ABHD6: variants seen among roughly 807,000 people sequenced by gnomAD.
The protein encoded by ABHD6 is monoacylglycerol lipase ABHD6.
A neutral mutation model predicts 38.8 loss-of-function variants in ABHD6; 33 were observed. The ratio of observed to expected loss-of-function variants is 0.85; its 90% confidence interval spans 0.64 to 1.14. The LOEUF is 1.14. Among genes scored for constraint, ABHD6 ranks in the 50% most tolerant of loss-of-function variants. The pLI is 0.00. For synonymous variants in ABHD6, 147 were observed against 161.6 expected (o/e 0.91, Z 0.69); for missense variants, 380 against 422.6 (o/e 0.90, Z 0.88).
At chr3:58,274,542 C>T (rs1391109307) in intron 6 of ABHD6, 116 bp from the exon 7 acceptor site, 1 of 1,107,440 alleles carries the variant, frequency 9.0e-7, no homozygotes, top group Non-Finnish European at 1.3e-6. Context: ...GAAATCTACT[C>T]ATGAAATAAA....
chr3:58,247,980 C>A (rs980463008), intron 1 of ABHD6, among the ~76,000 whole-genome samples: 1 of 152,230 alleles, frequency 6.6e-6, no homozygotes, highest in African/African-American at 2.4e-5. Context: ...CTGCAGTTTC[C>A]CTTCCCAGTG....
At chr3:58,290,141 G>C (rs1428175569) in intron 9 of ABHD6, among the ~76,000 whole-genome samples, 1 of 103,986 alleles carries the variant, frequency 9.6e-6, no homozygotes, top group African/African-American at 4.3e-5. Flanking sequence ...CTCACCTCCC[G>C]GACGGGGCGG....
At chr3:58,270,337 C>T (rs181446458) in intron 5 of ABHD6, among the ~76,000 whole-genome samples, 1 of 152,256 alleles carries the variant, frequency 6.6e-6, no homozygotes, top group East Asian at 1.9e-4. Flanking sequence ...AACAGCCACA[C>T]TCACTCATTT....
intron 1 of ABHD6, among the ~76,000 whole-genome samples, chr3:58,240,522 G>A (rs903549051): frequency 4.6e-5 from 7 of 151,904 alleles, no homozygotes; most frequent in African/African-American, 1.7e-4. Flanking sequence ...AGTTCTGCAA[G>A]TTGAAAAAAA....
At chr3:58,264,456 G>A (rs574572412) in intron 3 of ABHD6, among the ~76,000 whole-genome samples, 40 of 148,084 alleles carry the variant, frequency 2.7e-4, no homozygotes, top group African/African-American at 9.9e-4. Flanking sequence ...TATGCCAGGT[G>A]CAGTGGCTCA....
At chr3:58,286,844 G>GTATATATATATATATA (rs1553721712) in intron 9 of ABHD6, among the ~76,000 whole-genome samples, 3 of 50,050 alleles carry the variant, frequency 6.0e-5, no homozygotes, top group African/African-American at 3.2e-4. Flanking sequence ...GTGTGTGTGT[G>GTATATATATATATATA]TGTGTGTGTA....
chr3:58,267,356 C>T lies in ABHD6; in HGVS notation c.276+11C>T, dbSNP rs755855024. 47 of 1,613,852 alleles carry T rather than the reference C, an allele frequency of 2.9e-5. No individual in the cohort carries two copies. The highest frequency in any genetic ancestry group is 3.7e-5 in the Non-Finnish European group (44 of 1,179,900). ...CTCAGTGTGGTCAAGGTGCAATTCTCGATTCTTCTCTCTTATAAGAAAAGG... is the reference window on the plus strand; with the variant it reads ...CTCAGTGTGGTCAAGGTGCAATTCTTGATTCTTCTCTCTTATAAGAAAAGG... On this transcript the variant is annotated intron_variant, in intron 4 of 9. Transcript: ENST00000478253. The surrounding 1 kb of genome is among the most constrained non-coding windows in gnomAD (Gnocchi z 4.3).
In ABHD6 at chr3:58,256,507, C is replaced by T; in HGVS notation, c.-25-55C>T. ...TTTTCTTGTCCCCTTTACTTCTTCGCCTTTTTTCCTTTGATACAGAGTTTT... is the reference window on the plus strand; with the variant it reads ...TTTTCTTGTCCCCTTTACTTCTTCGTCTTTTTTCCTTTGATACAGAGTTTT... On this transcript the variant is annotated intron_variant, in intron 2 of 9. Coordinates refer to ENST00000478253, the MANE Select transcript of ABHD6 (RefSeq NM_001320126.2). The surrounding 1 kb of genome is among the most constrained non-coding windows in gnomAD (Gnocchi z 4.3). 1 of 1,072,710 alleles carries T rather than the reference C, an allele frequency of 9.3e-7. No homozygotes were observed. Among genetic ancestry groups the T allele is most frequent in the Non-Finnish European group, 1.4e-6 (1 of 722,074 alleles). 66.4% of individuals were successfully genotyped at this position (1,072,710 alleles called of 1,614,324 possible).
At chr3:58,270,851 C>G in intron 5 of ABHD6, 81 bp from the exon 6 acceptor site, 1 of 1,452,332 alleles carries the variant, frequency 6.9e-7, no homozygotes, top group Non-Finnish European at 9.2e-7. Context: ...CATAGGAAGT[C>G]CAGGGGGCTT....
At chr3:58,274,916 CT>C in intron 7 of ABHD6, 101 bp downstream of exon 7, 1 of 1,365,786 alleles carries the variant, frequency 7.3e-7, no homozygotes, top group Non-Finnish European at 1.0e-6. Flanking sequence ...TCATTGACTA[CT>C]TCTTGTCCTC....
chr3:58,288,526 C>G (rs1158192663), intron 9 of ABHD6, among the ~76,000 whole-genome samples: 2 of 152,160 alleles, frequency 1.3e-5, no homozygotes, highest in Non-Finnish European at 2.9e-5. Flanking sequence ...AGCACCGTGC[C>G]TGGTATGCAG....
chr3:58,289,458 G>A (rs34465704), intron 9 of ABHD6, among the ~76,000 whole-genome samples: 114,461 of 146,736 alleles, frequency 0.78, 45,413 homozygotes, highest in East Asian at 1. Flanking sequence ...GCTGCCTTCA[G>A]GCATCTGTTT....
intron 3 of ABHD6, among the ~76,000 whole-genome samples, chr3:58,264,851 C>T (rs1040453516): frequency 2.0e-5 from 3 of 152,098 alleles, no homozygotes; most frequent in Non-Finnish European, 4.4e-5. Context: ...ATAAGCACAT[C>T]ATGGAGAATG....
chr3:58,283,985 T>C, intron 7 of ABHD6, among the ~76,000 whole-genome samples: 1 of 152,062 alleles, frequency 6.6e-6, no homozygotes, highest in Admixed American at 6.5e-5. Flanking sequence ...CCATGGCTGG[T>C]TCTTCCCCAC....
intron 2 of ABHD6, among the ~76,000 whole-genome samples, chr3:58,253,556 A>C (rs1004816588): frequency 3.3e-5 from 5 of 152,266 alleles, no homozygotes; most frequent in Non-Finnish European, 5.9e-5. Context: ...GAAAGATGTC[A>C]GGTCTCTTAC....
In ABHD6 at chr3:58,250,928, C is replaced by T. The variant is rs141924503; in HGVS notation, c.-26+986C>T. Among the ~76,000 whole-genome samples, 60 of 152,250 alleles carry T rather than the reference C, an allele frequency of 3.9e-4. 1 individual carries two copies. Among genetic ancestry groups the T allele is most frequent in the African/African-American group, 1.4e-3 (60 of 41,536 alleles). ...GGACAAGTTGACTCCAGTGCTGGTG[C>T]CTCTTCACCTTTGCCTAACAGGAGT... is the stretch of plus-strand genomic sequence containing the variant. On this transcript the variant is annotated intron_variant, in intron 2 of 9. Transcript: ENST00000478253.
chr3:58,279,365 T>G (rs1215370357), intron 7 of ABHD6, among the ~76,000 whole-genome samples: 5 of 152,196 alleles, frequency 3.3e-5, no homozygotes, highest in African/African-American at 1.2e-4. Flanking sequence ...GCCTTCTTTG[T>G]CTCTTTTGAT....
rs1192568640 is a variant in ABHD6 at position 58,263,405 on chromosome 3, AG to A, written c.120-3783del. ...AACTCCATCTCAAAAAAAAAAAAAA[AG>A]AAAAAATATTAGTTTTCCAGTTTCT... On this transcript the variant is annotated intron_variant, in intron 3 of 9. Coordinates refer to ENST00000478253, the MANE Select transcript of ABHD6 (RefSeq NM_001320126.2). This position sits in a 1 kb window ranked among gnomAD's most constrained non-coding sequence, Gnocchi z 4.9. 6.6e-6 allele frequency among the ~76,000 whole-genome samples: 1 copy of A among 151,992 alleles called. No homozygotes were observed. The highest frequency in any genetic ancestry group is 2.4e-5 in the African/African-American group (1 of 41,406).
intron 3 of ABHD6, among the ~76,000 whole-genome samples, chr3:58,264,183 T>C (rs987450887): frequency 6.6e-6 from 1 of 152,232 alleles, no homozygotes; most frequent in African/African-American, 2.4e-5. Flanking sequence ...GTATTGATTT[T>C]TTCTAATTTA....
Sources: allele counts gnomAD v4.1 joint callset (sites outside exome capture counted in the v4.1 genomes callset), GRCh38; gene constraint gnomAD v4.1.1; non-coding constraint Gnocchi (gnomAD v3.1); transcripts MANE v1.5; gene names NCBI Gene and HGNC (gene_info 2026-07-23, HGNC 2026-07-21).